KSR2: variants seen among roughly 807,000 people sequenced by gnomAD.
The protein encoded by KSR2 is kinase suppressor of ras 2.
KSR2 carries 25 observed loss-of-function variants against 107.8 expected under a neutral mutation model. The observed-to-expected ratio is 0.23, with a 90% CI of 0.17 to 0.32. KSR2 has a LOEUF of 0.32. Ranked by LOEUF, KSR2 falls within the 10% of genes least tolerant of loss-of-function variation. The pLI is 1.00. For missense variants in KSR2, 887 were observed against 1,268.9 expected, an observed-to-expected ratio of 0.70 and a Z score of 4.57; for synonymous variants, 480 against 507.0, an observed-to-expected ratio of 0.95 and a Z score of 0.71.
chr12:117,682,924 AG>A (rs1252598451), intron 4 of KSR2, among the ~76,000 whole-genome samples: 3 of 152,154 alleles, frequency 2.0e-5, no homozygotes, highest in Non-Finnish European at 2.9e-5. Context: ...CAGCTCTCCC[AG>A]GACTTGCCAG....
chr12:117,552,065 T>C (rs973052943), intron 9 of KSR2, among the ~76,000 whole-genome samples: 15 of 152,208 alleles, frequency 9.9e-5, no homozygotes, highest in African/African-American at 3.6e-4. Flanking sequence ...AGCCTCGCCA[T>C]TTGAATTTGC....
intron 5 of KSR2, among the ~76,000 whole-genome samples, chr12:117,622,523 G>C (rs1196207468): frequency 6.7e-6 from 1 of 150,282 alleles, no homozygotes; most frequent in Admixed American, 6.6e-5. Context: ...TTTTTTTCCT[G>C]TCCCTGGAAG....
intron 3 of KSR2, among the ~76,000 whole-genome samples, chr12:117,798,714 A>ATAT (rs200449041): frequency 5.9e-5 from 5 of 85,060 alleles, no homozygotes; most frequent in African/African-American, 4.0e-4. Flanking sequence ...AAGTCCAAAA[A>ATAT]AAAAAAATAT....
intron 1 of KSR2, among the ~76,000 whole-genome samples, chr12:117,956,130 G>C (rs530558226): frequency 1.6e-3 from 243 of 151,242 alleles, no homozygotes; most frequent in Non-Finnish European, 2.0e-3. Flanking sequence ...GGCGCCTGTA[G>C]TCCCAGCTAC....
At chr12:117,820,117 A>G (rs1034668527) in intron 3 of KSR2, among the ~76,000 whole-genome samples, 2 of 152,230 alleles carry the variant, frequency 1.3e-5, no homozygotes, top group African/African-American at 4.8e-5. Flanking sequence ...CCATTTTAAT[A>G]TCAAAAAGAG....
At chr12:117,521,652 GATGAT>G (rs1779279665) in intron 14 of KSR2, among the ~76,000 whole-genome samples, 1 of 152,158 alleles carries the variant, frequency 6.6e-6, no homozygotes, top group African/African-American at 2.4e-5. Context: ...TGTTAACTTC[GATGAT>G]AATTACTAAG....
intron 4 of KSR2, among the ~76,000 whole-genome samples, chr12:117,748,899 C>T (rs1384759775): frequency 1.3e-5 from 2 of 151,796 alleles, no homozygotes; most frequent in African/African-American, 2.4e-5. Context: ...GAAAACATAG[C>T]CCATAAAGGG....
At chr12:117,808,789 C>G (rs2137043159) in intron 3 of KSR2, among the ~76,000 whole-genome samples, 1 of 152,332 alleles carries the variant, frequency 6.6e-6, no homozygotes, top group Admixed American at 6.5e-5. Flanking sequence ...TGACCACAAG[C>G]TCCTTCCTCC....
chr12:117,831,321 G>T (rs1004561883), intron 3 of KSR2, among the ~76,000 whole-genome samples: 1 of 152,204 alleles, frequency 6.6e-6, no homozygotes, highest in Non-Finnish European at 1.5e-5. Context: ...CTTGTTCCAT[G>T]TGGGCAGAAA....
At chr12:117,697,763 T>C (rs894502769) in intron 4 of KSR2, among the ~76,000 whole-genome samples, 6 of 150,718 alleles carry the variant, frequency 4.0e-5, no homozygotes, top group Non-Finnish European at 8.8e-5. Context: ...AAAAAAGGTT[T>C]CAGTGGCCCC....
At chr12:117,635,470 A>C (rs1029727380) in intron 5 of KSR2, among the ~76,000 whole-genome samples, 4 of 152,230 alleles carry the variant, frequency 2.6e-5, no homozygotes, top group African/African-American at 9.6e-5. Flanking sequence ...ATTGCCAGTC[A>C]ATGAAGCCAA....
At chr12:117,846,081 C>G (rs28412630) in intron 3 of KSR2, among the ~76,000 whole-genome samples, 4,850 of 151,970 alleles carry the variant, frequency 0.032, 213 homozygotes, top group East Asian at 0.1. Flanking sequence ...CCCTTCCTAA[C>G]AGCCTGCCCT....
chr12:117,611,284 T>C (rs1371889982), intron 5 of KSR2, among the ~76,000 whole-genome samples: 3 of 152,112 alleles, frequency 2.0e-5, no homozygotes, highest in African/African-American at 7.2e-5. Flanking sequence ...TGAAGCTTGA[T>C]TGGTTCTAAT....
At chr12:117,895,339 G>A (rs61945384) in intron 1 of KSR2, among the ~76,000 whole-genome samples, 22,956 of 152,062 alleles carry the variant, frequency 0.15, 2,291 homozygotes, top group East Asian at 0.48. Flanking sequence ...CAGGCTCTGG[G>A]TAGAAGCTTA....
At chr12:117,841,738 TC>T (rs1346459028) in intron 3 of KSR2, among the ~76,000 whole-genome samples, 2 of 152,042 alleles carry the variant, frequency 1.3e-5, no homozygotes, top group African/African-American at 4.8e-5. Flanking sequence ...AGAAATGAGT[TC>T]AAACCCCGCC....
chr12:117,729,971 A>G lies in KSR2; in HGVS notation c.986+31040T>C, dbSNP rs570098875. Among the ~76,000 whole-genome samples the G allele has an allele frequency of 3.3e-5, 5 of 152,290 alleles. No homozygotes were observed. In the South Asian group the frequency reaches 8.3e-4, roughly 25 times the overall value. On this transcript the variant is annotated intron_variant, in intron 4 of 19. Coordinates refer to ENST00000339824, the MANE Select transcript of KSR2 (RefSeq NM_173598.6). The stretch of plus-strand genomic sequence containing the variant: ...AACCTAGGTTTGTATCACATTTTCC[A>G]CTTATTAGCTAGGATAGGAGCCTGC...
intron 3 of KSR2, among the ~76,000 whole-genome samples, chr12:117,806,328 A>G (rs1240881863): frequency 2.0e-5 from 3 of 152,066 alleles, no homozygotes; most frequent in Non-Finnish European, 2.9e-5. Context: ...AGCCCAATTA[A>G]ATCAGCTCTA....
chr12:117,567,548 G>A (rs1878583956), intron 7 of KSR2, among the ~76,000 whole-genome samples: 1 of 151,722 alleles, frequency 6.6e-6, no homozygotes, highest in African/African-American at 2.4e-5. Context: ...CCCTCTGGCA[G>A]CAGAAACTTG....
chr12:117,563,149 C>T (rs1195767387), intron 7 of KSR2, among the ~76,000 whole-genome samples: 5 of 152,252 alleles, frequency 3.3e-5, no homozygotes, highest in South Asian at 2.1e-4. Context: ...GAGCTACTAG[C>T]GTGTAATTTA....
Sources: allele counts gnomAD v4.1 joint callset (sites outside exome capture counted in the v4.1 genomes callset), GRCh38; gene constraint gnomAD v4.1.1; transcripts MANE v1.5; gene names NCBI Gene and HGNC (gene_info 2026-07-23, HGNC 2026-07-21).